Variants in PCYT1A observed in about 807,000 individuals in gnomAD.
The protein encoded by PCYT1A is phosphate cytidylyltransferase 1A, choline, also known as choline-phosphate cytidylyltransferase A.
PCYT1A carries 25 observed loss-of-function variants against 43.7 expected under a neutral mutation model. That is an observed-to-expected ratio of 0.57 (90% CI 0.42 to 0.80). PCYT1A has a LOEUF of 0.80. Ranked by LOEUF, PCYT1A falls within the 30% of genes least tolerant of loss-of-function variation. PCYT1A has a pLI of 0.00. For synonymous variants in PCYT1A, 172 were observed against 170.7 expected, an observed-to-expected ratio of 1.01 and a Z score of -0.06; for missense variants, 421 against 474.2, an observed-to-expected ratio of 0.89 and a Z score of 1.04.
At chr3:196,253,841 T>C (rs1290853774) in intron 3 of PCYT1A, among the ~76,000 whole-genome samples, 1 of 152,066 alleles carries the variant, frequency 6.6e-6, no homozygotes. Context: ...AAGTGGCTAT[T>C]GGCCAGGATA....
At chr3:196,274,675 C>A (rs1178824620) in intron 1 of PCYT1A, among the ~76,000 whole-genome samples, 5 of 152,188 alleles carry the variant, frequency 3.3e-5, no homozygotes, top group Admixed American at 2.0e-4. Context: ...ATAAGCCTGA[C>A]TGAGATGTTC....
chr3:196,264,457 C>T (rs1425841411), intron 2 of PCYT1A, among the ~76,000 whole-genome samples: 1 of 152,136 alleles, frequency 6.6e-6, no homozygotes, highest in African/African-American at 2.4e-5. Context: ...TAGTTTAAGC[C>T]CTACTTCATG....
chr3:196,250,425 A>G, intron 3 of PCYT1A: 1 of 180,118 alleles, frequency 5.6e-6, no homozygotes, highest in Non-Finnish European at 1.2e-5. Context: ...AGGATCAGAT[A>G]CACTATGCTG....
At chr3:196,270,683 T>C (rs942275881) in intron 1 of PCYT1A, 142 bp from the exon 2 acceptor site, 5 of 717,626 alleles carry the variant, frequency 7.0e-6, no homozygotes, top group African/African-American at 1.7e-5. Context: ...GCCAATGGCA[T>C]CTGGCAAAAC....
rs1451208278 is a variant in PCYT1A at position 196,282,863 on chromosome 3, AC to A, written c.-11+4751del. 5.9e-5 allele frequency among the ~76,000 whole-genome samples: 9 copies of A among 152,166 alleles called. No homozygotes were observed. The highest frequency in any genetic ancestry group is 1.2e-4 in the Non-Finnish European group (8 of 68,030). On this transcript the variant is annotated intron_variant, in intron 1 of 8. Coordinates refer to ENST00000431016, the MANE Select transcript of PCYT1A (RefSeq NM_001312673.2). The surrounding 1 kb of genome is among the most constrained non-coding windows in gnomAD (Gnocchi z 4.3). ...TATGCTCATTTTCTATAGAGCAGGG[AC>A]CATATGTCATTATTTTTGGCAGCCT...
intron 3 of PCYT1A, 35 bp downstream of exon 3, chr3:196,257,753 T>C (rs549696308): frequency 9.5e-6 from 12 of 1,264,898 alleles, no homozygotes; most frequent in East Asian, 2.3e-5. Flanking sequence ...CTAAAAACAA[T>C]AGTCAAACAA....
At chr3:196,281,740 T>C (rs1020220317) in intron 1 of PCYT1A, among the ~76,000 whole-genome samples, 1 of 152,172 alleles carries the variant, frequency 6.6e-6, no homozygotes, top group South Asian at 2.1e-4. Context: ...AGAAATAGAA[T>C]TATTTCGAGT....
Position 196,235,534 on chromosome 3 carries a change from A to C in PCYT1A, c.*3154T>G, listed in dbSNP as rs1209260448. On this transcript the variant is annotated 3_prime_UTR_variant, in exon 9 of 9. Coordinates refer to ENST00000431016, the MANE Select transcript of PCYT1A (RefSeq NM_001312673.2). This position sits in a 1 kb window ranked among gnomAD's most constrained non-coding sequence, Gnocchi z 4.3. ...ACAAATGATCCCTTCCTAGTCCTCT[A>C]AAGTGTCAACCTCCATTCTTCAGTG... is the stretch of plus-strand genomic sequence containing the variant. 1 of 152,250 alleles carries C rather than the reference A, an allele frequency of 6.6e-6. No individual in the cohort carries two copies. The highest frequency in any genetic ancestry group is 2.4e-5 in the African/African-American group (1 of 41,464). 9.4% of individuals were successfully genotyped at this position (152,250 alleles called of 1,614,324 possible).
chr3:196,276,186 C>G (rs1032995342), intron 1 of PCYT1A, among the ~76,000 whole-genome samples: 1 of 151,640 alleles, frequency 6.6e-6, no homozygotes, highest in African/African-American at 2.4e-5. Flanking sequence ...GTTTTCACCA[C>G]AAAAAAATAA....
Position 196,273,089 on chromosome 3 carries a change from C to G in PCYT1A, c.-10-2548G>C, listed in dbSNP as rs549062633. Among the ~76,000 whole-genome samples the G allele has an allele frequency of 6.6e-6, 1 of 152,176 alleles. No homozygotes were observed. The highest frequency in any genetic ancestry group is 2.1e-4 in the South Asian group (1 of 4,832). ...GCCAGCTGCCAGGGGGTGAGCAGCT[C>G]GAGGCGCCAGCTCCCTGAGAGGCTG... On this transcript the variant is annotated intron_variant, in intron 1 of 8. Transcript: ENST00000431016. This position sits in a 1 kb window ranked among gnomAD's most constrained non-coding sequence, Gnocchi z 4.1.
rs1444065813 is a variant in PCYT1A at position 196,282,720 on chromosome 3, G to C, written c.-11+4895C>G. On this transcript the variant is annotated intron_variant, in intron 1 of 8. Transcript: ENST00000431016. This position sits in a 1 kb window ranked among gnomAD's most constrained non-coding sequence, Gnocchi z 4.3. ...AAGCTTTCACCACACTGCCAAAGGA[G>C]TCCATAACACAAAAAAGATTAAGAT... Among the ~76,000 whole-genome samples, 1 of 151,992 alleles carries C rather than the reference G, an allele frequency of 6.6e-6. No homozygotes were observed. Among genetic ancestry groups the C allele is most frequent in the African/African-American group, 2.4e-5 (1 of 41,362 alleles).
Position 196,270,508 on chromosome 3 carries a change from C to T in PCYT1A, c.24G>A (p.Lys8=). 6.2e-7 allele frequency: 1 copy of T among 1,613,966 alleles called. No individual in the cohort carries two copies. The highest frequency in any genetic ancestry group is 8.5e-7 in the Non-Finnish European group (1 of 1,179,812). The change falls in exon 2 of 9, where the codon AAG becomes AAA. Residue 8 remains lysine (K), a synonymous_variant. Transcript: ENST00000431016. ...CTTTTCTCCTCTTCCTTGCATTGAC[C>T]TTGGCTGAACACTGTGCATCCATCT... is the stretch of plus-strand genomic sequence containing the variant. The part of the protein sequence containing the change: MDAQCSA[K]VNARKRRKEA...
intron 1 of PCYT1A, among the ~76,000 whole-genome samples, chr3:196,283,154 A>ATGATGAAACC (rs1172399535): frequency 1.3e-5 from 2 of 152,212 alleles, no homozygotes; most frequent in East Asian, 3.8e-4. Context: ...CCTGGCCCAC[A>ATGATGAAACC]TGATGAAACC....
rs1724168193 is a variant in PCYT1A, at chr3:196,236,498, TTAAGAG to T, written c.*2184_*2189del. Reference sequence around the variant, plus strand: ...CAAGCCAAAGCTTGTATGACCAGATTTAAGAGTAAGAACTGCGCTTCAAAGAAGAGT... The same window carrying T: ...CAAGCCAAAGCTTGTATGACCAGATTTAAGAACTGCGCTTCAAAGAAGAGT... On this transcript the variant is annotated 3_prime_UTR_variant, in exon 9 of 9. Transcript: ENST00000431016. The T allele has an allele frequency of 6.6e-6, 1 of 151,890 alleles. No homozygotes were observed. The highest frequency in any genetic ancestry group is 2.1e-4 in the South Asian group (1 of 4,828). 9.4% of individuals were successfully genotyped at this position (151,890 alleles called of 1,614,324 possible).
chr3:196,277,048 G>A lies in PCYT1A; in HGVS notation c.-10-6507C>T, dbSNP rs1330887373. Among the ~76,000 whole-genome samples the A allele has an allele frequency of 6.6e-6, 1 of 152,002 alleles. No individual in the cohort carries two copies. The highest frequency in any genetic ancestry group is 1.5e-5 in the Non-Finnish European group (1 of 68,008). ...AGTTCAAGACCAGCCTGGCCAACATGGTGAAACCCCGTTTCTACTAAAAAT... is the reference window on the plus strand; with the variant it reads ...AGTTCAAGACCAGCCTGGCCAACATAGTGAAACCCCGTTTCTACTAAAAAT... On this transcript the variant is annotated intron_variant, in intron 1 of 8. Transcript: ENST00000431016. The surrounding 1 kb of genome is among the most constrained non-coding windows in gnomAD (Gnocchi z 4.1).
chr3:196,280,571 T>TG (rs1491460633), intron 1 of PCYT1A, among the ~76,000 whole-genome samples: 4 of 16,374 alleles, frequency 2.4e-4, no homozygotes, highest in Admixed American at 8.3e-4. Flanking sequence ...ATTTTTATTG[T>TG]TTTTTTTTTT....
intron 3 of PCYT1A, among the ~76,000 whole-genome samples, chr3:196,253,768 G>A (rs1724871331): frequency 6.6e-6 from 1 of 152,166 alleles, no homozygotes; most frequent in Admixed American, 6.5e-5. Context: ...TTAACCAAAC[G>A]GCCAGAAGGG....
intron 2 of PCYT1A, among the ~76,000 whole-genome samples, chr3:196,260,705 C>T (rs756428812): frequency 1.3e-5 from 2 of 151,868 alleles, no homozygotes; most frequent in East Asian, 1.9e-4. Flanking sequence ...AGCCAGGTGG[C>T]GTGGTGCATG....
chr3:196,287,294 A>C (rs571410810), intron 1 of PCYT1A: 28 of 151,590 alleles, frequency 1.8e-4, no homozygotes, highest in Non-Finnish European at 3.8e-4. Flanking sequence ...CGGATCCCCC[A>C]CAGTCACTAC....
Sources: allele counts gnomAD v4.1 joint callset (sites outside exome capture counted in the v4.1 genomes callset), GRCh38; gene constraint gnomAD v4.1.1; non-coding constraint Gnocchi (gnomAD v3.1); transcripts MANE v1.5; gene names NCBI Gene and HGNC (gene_info 2026-07-23, HGNC 2026-07-21).